Variants in SIN3A observed in about 807,000 individuals in gnomAD.
The protein encoded by SIN3A is SIN3 transcription regulator family member A.
A neutral mutation model predicts 146.1 loss-of-function variants in SIN3A; 14 were observed. The ratio of observed to expected loss-of-function variants is 0.10; its 90% CI spans 0.06 to 0.15. The LOEUF (loss-of-function observed/expected upper bound fraction) is 0.15, where lower values mean the gene tolerates loss of function less well. Ranked by LOEUF, SIN3A falls within the 10% of genes least tolerant of loss-of-function variation. The pLI is 1.00. For missense variants in SIN3A, 1,028 were observed against 1,576.0 expected, an observed-to-expected ratio of 0.65 and a Z score of 5.89; for synonymous variants, 572 against 572.0, an observed-to-expected ratio of 1.00 and a Z score of 0.00.
At chr15:75,377,416 G>C (rs1471584359) in intron 19 of SIN3A, among the ~76,000 whole-genome samples, 1 of 152,060 alleles carries the variant, frequency 6.6e-6, no homozygotes, top group Non-Finnish European at 1.5e-5. Context: ...CTTGAGGTCA[G>C]GAGTTTGAGA....
At chr15:75,419,449 C>A (rs1567382776) in intron 3 of SIN3A, 1 of 152,044 alleles carries the variant, frequency 6.6e-6, no homozygotes, top group Non-Finnish European at 1.5e-5. Flanking sequence ...CAAAAGAAAG[C>A]AATTATGTGT....
intron 3 of SIN3A, chr15:75,422,432 C>T: frequency 1.6e-6 from 1 of 624,004 alleles, no homozygotes; most frequent in Non-Finnish European, 2.9e-6. Flanking sequence ...TGCATTCATA[C>T]AGTCCACAAA....
At chr15:75,393,912 A>T (rs2073255472) in intron 14 of SIN3A, among the ~76,000 whole-genome samples, 1 of 152,096 alleles carries the variant, frequency 6.6e-6, no homozygotes, top group South Asian at 2.1e-4. Context: ...GGTTCAAGCC[A>T]TTCTCCCACC....
At position 75,378,697 on chromosome 15, in the gene SIN3A, CA is replaced by C. The variant is rs1243339563; in HGVS notation, c.3383+1931del. Reference sequence around the variant, plus strand: ...TTTGCGTGAGGCCAGATTTTCTTCACATATTTCAATCAAACAACATACATAA... The same window carrying C: ...TTTGCGTGAGGCCAGATTTTCTTCACTATTTCAATCAAACAACATACATAA... On this transcript the variant is annotated intron_variant, in intron 19 of 20. Transcript: ENST00000394947. 2.0e-5 allele frequency among the ~76,000 whole-genome samples: 3 copies of C among 152,244 alleles called. No individual in the cohort carries two copies. The East Asian group carries it at 5.8e-4, about 29-fold the overall frequency.
Position 75,430,369 on chromosome 15 carries a change from G to A in SIN3A, c.7C>T (p.Arg3Trp), listed in dbSNP as rs1284838849. 3 of 1,608,932 alleles carry A rather than the reference G, an allele frequency of 1.9e-6. No individual in the cohort carries two copies. Among genetic ancestry groups the A allele is most frequent in the Non-Finnish European group, 1.7e-6 (2 of 1,177,766 alleles). ...GGTGACTCCTGGTCATCCAAACGCC[G>A]CTTCATTCTGTGCTCATGCTCAGGG... MK[R>W]RLDDQESPVY... The change falls in exon 2 of 21, where the codon CGG (arginine) becomes TGG (tryptophan). Residue 3 changes from arginine (R) to tryptophan (W), a missense_variant. Coordinates refer to ENST00000394947, the MANE Select transcript of SIN3A (RefSeq NM_001145358.2).
intron 19 of SIN3A, among the ~76,000 whole-genome samples, chr15:75,379,237 ATTTC>A (rs908673818): frequency 9.2e-5 from 14 of 152,274 alleles, no homozygotes; most frequent in African/African-American, 2.4e-4. Flanking sequence ...GATTGAAAAC[ATTTC>A]TTTGTTTTTA....
At chr15:75,375,624 G>A (rs181485654) in intron 20 of SIN3A, 41 bp downstream of exon 20, 3 of 1,505,888 alleles carry the variant, frequency 2.0e-6, no homozygotes, top group East Asian at 2.3e-5. Context: ...TCCTAGCTAG[G>A]GTGGGAGATG....
intron 19 of SIN3A, among the ~76,000 whole-genome samples, chr15:75,379,398 G>A (rs2072923916): frequency 6.6e-6 from 1 of 152,080 alleles, no homozygotes; most frequent in Admixed American, 6.6e-5. Flanking sequence ...AAATTCTGGA[G>A]GGAAGATTCC....
intron 10 of SIN3A, among the ~76,000 whole-genome samples, chr15:75,401,221 G>C (rs928201387): frequency 6.6e-6 from 1 of 152,100 alleles, no homozygotes; most frequent in African/African-American, 2.4e-5. Flanking sequence ...TAATTCTTAG[G>C]TTGTCAAATA....
intron 18 of SIN3A, 48 bp downstream of exon 18, chr15:75,381,565 A>C (rs1369640914): frequency 7.0e-7 from 1 of 1,422,448 alleles, no homozygotes; most frequent in Non-Finnish European, 9.9e-7. Context: ...CTCTCAAGGC[A>C]CGCCAGCTCT....
At chr15:75,445,875 T>C (rs930360669) in intron 1 of SIN3A, among the ~76,000 whole-genome samples, 1 of 152,224 alleles carries the variant, frequency 6.6e-6, no homozygotes, top group African/African-American at 2.4e-5. Flanking sequence ...ACACTGCTTT[T>C]ATCACATTAG....
chr15:75,445,774 A>G (rs984381136), intron 1 of SIN3A, among the ~76,000 whole-genome samples: 26 of 151,660 alleles, frequency 1.7e-4, no homozygotes, highest in East Asian at 3.9e-4. Context: ...AAAAAAAAAA[A>G]AAAGAAAGAA....
chr15:75,395,119 C>A (rs1480868457), intron 13 of SIN3A, among the ~76,000 whole-genome samples: 2 of 152,136 alleles, frequency 1.3e-5, no homozygotes, highest in Non-Finnish European at 2.9e-5. Context: ...TTAAAAACAG[C>A]ATTCCAGGGA....
At chr15:75,393,297 C>T (rs1441546382) in intron 14 of SIN3A, among the ~76,000 whole-genome samples, 1 of 152,176 alleles carries the variant, frequency 6.6e-6, no homozygotes, top group Non-Finnish European at 1.5e-5. Flanking sequence ...TAGGTAATGA[C>T]AGAGACGTGG....
chr15:75,427,740 G>C (rs2073949931), intron 2 of SIN3A, among the ~76,000 whole-genome samples: 1 of 151,820 alleles, frequency 6.6e-6, no homozygotes, highest in Non-Finnish European at 1.5e-5. Flanking sequence ...AAGGCCAAGA[G>C]GGGCAGATCA....
chr15:75,407,892 C>CA (rs775913884), intron 8 of SIN3A, among the ~76,000 whole-genome samples: 3,133 of 24,644 alleles, frequency 0.13, 1,089 homozygotes, highest in South Asian at 0.31. Flanking sequence ...GACTCCATCT[C>CA]AAAAAAAAAA....
At chr15:75,389,862 G>T in intron 15 of SIN3A, 41 bp from the exon 16 acceptor site, 1 of 1,599,522 alleles carries the variant, frequency 6.3e-7, no homozygotes, top group Non-Finnish European at 8.5e-7. Context: ...ACCTTGCTAA[G>T]AAAAGACTAG....
At chr15:75,442,236 C>G (rs186168641) in intron 1 of SIN3A, among the ~76,000 whole-genome samples, 4 of 146,820 alleles carry the variant, frequency 2.7e-5, no homozygotes, top group Admixed American at 2.1e-4. Context: ...TGTCCACTTA[C>G]AAACTGCATC....
At chr15:75,396,553 T>G in intron 12 of SIN3A, 57 bp from the exon 13 acceptor site, 3 of 1,257,722 alleles carry the variant, frequency 2.4e-6, no homozygotes, top group Non-Finnish European at 3.4e-6. Context: ...TAGAATAGAG[T>G]AGTGTTTAGA....
Sources: gnomAD v4.1 joint callset for allele counts (sites outside exome capture counted in the v4.1 genomes callset) on GRCh38, gnomAD v4.1.1 for gene constraint, MANE v1.5 for transcripts, NCBI Gene and HGNC (gene_info 2026-07-23, HGNC 2026-07-21) for gene names.